Variants in KALRN observed in about 807,000 individuals in gnomAD.
KALRN encodes kalirin RhoGEF kinase, also known as kalirin.
Under a neutral mutation model 353.7 loss-of-function variants are expected in KALRN, and 70 were observed. That is an observed-to-expected ratio of 0.20 (90% CI 0.16 to 0.24). The LOEUF is 0.24. Among genes scored for constraint, KALRN ranks in the 10% least tolerant of loss-of-function variants. The pLI is 1.00. For missense variants in KALRN, 2,791 were observed against 3,756.7 expected, an observed-to-expected ratio of 0.74 and a Z score of 6.72; for synonymous variants, 1,391 against 1,434.8, an observed-to-expected ratio of 0.97 and a Z score of 0.69.
intron 34 of KALRN, among the ~76,000 whole-genome samples, chr3:124,603,492 G>A (rs903615545): frequency 6.6e-6 from 1 of 152,108 alleles, no homozygotes; most frequent in Non-Finnish European, 1.5e-5. Context: ...GTGTGGCTCT[G>A]CTTGAGATGT....
At chr3:124,568,386 C>T (rs1193109813) in intron 34 of KALRN, among the ~76,000 whole-genome samples, 3 of 152,196 alleles carry the variant, frequency 2.0e-5, no homozygotes, top group Non-Finnish European at 4.4e-5. Context: ...GAAATTGGAA[C>T]CCTTGTACAC....
chr3:124,417,667 A>C (rs1288688816), intron 14 of KALRN, among the ~76,000 whole-genome samples: 1 of 152,240 alleles, frequency 6.6e-6, no homozygotes, highest in Admixed American at 6.5e-5. Flanking sequence ...GCTAGAATAC[A>C]AAAGAGGAAA....
intron 10 of KALRN, among the ~76,000 whole-genome samples, chr3:124,355,300 T>C (rs1027936528): frequency 1.3e-5 from 2 of 152,226 alleles, no homozygotes; most frequent in Non-Finnish European, 2.9e-5. Flanking sequence ...AGAGAAATAA[T>C]AATTATACTG....
intron 5 of KALRN, among the ~76,000 whole-genome samples, chr3:124,284,209 C>G (rs1479394991): frequency 6.6e-6 from 1 of 152,166 alleles, no homozygotes; most frequent in East Asian, 1.9e-4. Flanking sequence ...CTGGGAGGGT[C>G]TCAGTCTAGA....
At chr3:124,565,777 G>C (rs1995321) in intron 34 of KALRN, among the ~76,000 whole-genome samples, 2 of 151,982 alleles carry the variant, frequency 1.3e-5, no homozygotes, top group African/African-American at 2.4e-5. Context: ...GTGCAACTTC[G>C]CAGGAGCAAA....
intron 1 of KALRN, among the ~76,000 whole-genome samples, chr3:124,131,710 A>C (rs1221570568): frequency 2.0e-5 from 3 of 152,204 alleles, no homozygotes; most frequent in Admixed American, 6.5e-5. Flanking sequence ...TGGTGATTAC[A>C]GAAGCAGCCA....
At chr3:124,140,035 A>G (rs1382407577) in intron 1 of KALRN, among the ~76,000 whole-genome samples, 1 of 152,120 alleles carries the variant, frequency 6.6e-6, no homozygotes, top group Non-Finnish European at 1.5e-5. Flanking sequence ...CAGCAGAGTT[A>G]TCTCTCTTGT....
At chr3:124,633,776 T>C in intron 35 of KALRN, 76 bp from the exon 36 acceptor site, 3 of 1,256,864 alleles carry the variant, frequency 2.4e-6, no homozygotes, top group South Asian at 2.6e-5. Context: ...CTATGTATTA[T>C]TTTTGTTAAT....
chr3:124,618,166 C>T (rs1260109803), intron 34 of KALRN, among the ~76,000 whole-genome samples: 3 of 132,484 alleles, frequency 2.3e-5, no homozygotes, highest in East Asian at 2.5e-4. Context: ...TGGAGTGCAG[C>T]GGCACGATCT....
intron 23 of KALRN, among the ~76,000 whole-genome samples, chr3:124,458,719 A>C (rs1029646719): frequency 1.1e-4 from 17 of 152,194 alleles, no homozygotes; most frequent in Admixed American, 6.5e-5. Context: ...CCTTGAAGCC[A>C]GGAGTTCAAG....
chr3:124,285,694 C>A (rs999561947), intron 5 of KALRN, among the ~76,000 whole-genome samples: 10 of 152,236 alleles, frequency 6.6e-5, no homozygotes, highest in African/African-American at 1.4e-4. Flanking sequence ...CGCCACCATG[C>A]CTGGCTAATT....
chr3:124,680,114 C>G (rs897890763), intron 51 of KALRN, among the ~76,000 whole-genome samples: 1 of 152,194 alleles, frequency 6.6e-6, no homozygotes, highest in Non-Finnish European at 1.5e-5. Flanking sequence ...GTGCTGGGCC[C>G]GTGAGCAGTG....
At chr3:124,350,016 C>T (rs2082685070) in intron 10 of KALRN, among the ~76,000 whole-genome samples, 1 of 152,194 alleles carries the variant, frequency 6.6e-6, no homozygotes, top group Non-Finnish European at 1.5e-5. Context: ...TATGCCTCAG[C>T]ATTCCTCACT....
At chr3:124,089,001 G>T (rs147587148) in intron 1 of KALRN, among the ~76,000 whole-genome samples, 3 of 151,556 alleles carry the variant, frequency 2.0e-5, no homozygotes, top group Admixed American at 6.6e-5. Flanking sequence ...ACAGTGGGTG[G>T]CCCTGTGGAA....
At chr3:124,117,175 C>A (rs556865630) in intron 1 of KALRN, among the ~76,000 whole-genome samples, 3 of 152,236 alleles carry the variant, frequency 2.0e-5, no homozygotes, top group South Asian at 2.1e-4. Context: ...AGATTTCAGA[C>A]CTTGCAGGCT....
intron 1 of KALRN, among the ~76,000 whole-genome samples, chr3:124,213,365 C>T (rs1162949782): frequency 3.3e-5 from 5 of 151,988 alleles, no homozygotes; most frequent in African/African-American, 1.2e-4. Flanking sequence ...TTAAAATATG[C>T]CAGATCTGTA....
chr3:124,534,354 C>T (rs962033142), intron 33 of KALRN, among the ~76,000 whole-genome samples: 6 of 152,100 alleles, frequency 3.9e-5, no homozygotes, highest in African/African-American at 1.4e-4. Context: ...GGGGTAACAA[C>T]ACACACTGGG....
chr3:124,588,535 A>G (rs902329218), intron 34 of KALRN, among the ~76,000 whole-genome samples: 4 of 151,950 alleles, frequency 2.6e-5, no homozygotes, highest in Non-Finnish European at 1.5e-5. Context: ...AGCAATTCTC[A>G]TGCGTCAGCC....
intron 3 of KALRN, among the ~76,000 whole-genome samples, chr3:124,247,118 G>A (rs1457939885): frequency 2.0e-5 from 3 of 152,102 alleles, no homozygotes; most frequent in African/African-American, 7.2e-5. Flanking sequence ...TCTATGTTAC[G>A]ACACTTCAGT....
Sources: gnomAD v4.1 joint callset for allele counts (sites outside exome capture counted in the v4.1 genomes callset) on GRCh38, gnomAD v4.1.1 for gene constraint, MANE v1.5 for transcripts, NCBI Gene and HGNC (gene_info 2026-07-23, HGNC 2026-07-21) for gene names.